GALNT13: variants seen among roughly 807,000 people sequenced by gnomAD.
The protein encoded by GALNT13 is UDP-GalNAc:polypeptide N-acetylgalactosaminyltransferase 13.
In GALNT13, 28 loss-of-function variants were observed where a neutral mutation model predicts 64.2. The ratio of observed to expected loss-of-function variants is 0.44; its 90% CI spans 0.32 to 0.60. The LOEUF is 0.60. Among genes scored for constraint, GALNT13 ranks in the 20% least tolerant of loss-of-function variants. The pLI is 0.05. For synonymous variants in GALNT13, 214 were observed against 224.6 expected (o/e 0.95, Z 0.42); for missense variants, 577 against 669.8 (o/e 0.86, Z 1.53).
intron 3 of GALNT13, among the ~76,000 whole-genome samples, chr2:153,983,461 A>C (rs527245605): frequency 6.6e-6 from 1 of 151,898 alleles, no homozygotes; most frequent in Non-Finnish European, 1.5e-5. Context: ...ATTTAAAATA[A>C]TGTAATTTAA....
chr2:153,160,304 G>A, the GALNT13 span, among the ~76,000 whole-genome samples: 2 of 152,196 alleles, frequency 1.3e-5, no homozygotes, highest in Non-Finnish European at 2.9e-5. Context: ...AACAAGATCA[G>A]CAGGGTCGCA....
the GALNT13 span, among the ~76,000 whole-genome samples, chr2:153,166,857 A>G: frequency 1.3e-5 from 2 of 152,176 alleles, no homozygotes; most frequent in East Asian, 3.9e-4. Context: ...GGAGGCCCAT[A>G]TGGCAAAGCA....
intron 3 of GALNT13, among the ~76,000 whole-genome samples, chr2:154,080,993 C>T (rs899337570): frequency 6.6e-6 from 1 of 151,458 alleles, no homozygotes; most frequent in Non-Finnish European, 1.5e-5. Context: ...GTTGCATAGT[C>T]ACACTGAAAC....
rs562078605 is a variant in GALNT13 at position 154,196,246 on chromosome 2, T to G, written c.312-45784T>G. 2.0e-5 allele frequency among the ~76,000 whole-genome samples: 3 copies of G among 152,122 alleles called. No homozygotes were observed. The South Asian group carries it at 6.2e-4, about 31-fold the overall frequency. On this transcript the variant is annotated intron_variant, in intron 4 of 12. Coordinates refer to ENST00000392825, the MANE Select transcript of GALNT13 (RefSeq NM_052917.4). ...ACTCAAAAAAAAAAAACAACTCTCA[T>G]GAATTACGTGTGAGAATTCAGATCA...
At chr2:153,970,370 C>A (rs1693658290) in intron 3 of GALNT13, among the ~76,000 whole-genome samples, 1 of 152,170 alleles carries the variant, frequency 6.6e-6, no homozygotes, top group Admixed American at 6.5e-5. Context: ...GAGGCTGTCA[C>A]ACCCTCCTGG....
the GALNT13 span, among the ~76,000 whole-genome samples, chr2:153,755,113 C>A: frequency 1.7e-4 from 26 of 152,298 alleles, no homozygotes; most frequent in African/African-American, 6.3e-4. Context: ...TCTACCTCTT[C>A]AGTACCTCTT....
intron 3 of GALNT13, among the ~76,000 whole-genome samples, chr2:154,030,500 T>G (rs184807179): frequency 1.2e-3 from 179 of 152,290 alleles, no homozygotes; most frequent in Admixed American, 2.4e-3. Context: ...CAGCAGAGCT[T>G]CTATATAAGA....
chr2:153,376,033 C>T, the GALNT13 span, among the ~76,000 whole-genome samples: 1 of 152,214 alleles, frequency 6.6e-6, no homozygotes, highest in African/African-American at 2.4e-5. Flanking sequence ...TCACTCATCC[C>T]TGCCCACTCA....
chr2:154,063,253 G>A (rs1487077037), intron 3 of GALNT13, among the ~76,000 whole-genome samples: 1 of 152,106 alleles, frequency 6.6e-6, no homozygotes, highest in African/African-American at 2.4e-5. Flanking sequence ...AGGGTCTTCT[G>A]TATAGCCAGT....
chr2:153,574,785 ATTTC>A, the GALNT13 span, among the ~76,000 whole-genome samples: 1 of 150,426 alleles, frequency 6.6e-6, no homozygotes, highest in Non-Finnish European at 1.5e-5. Context: ...GTTATCTTGA[ATTTC>A]TTTGAGTTTC....
intron 4 of GALNT13, among the ~76,000 whole-genome samples, chr2:154,209,213 C>A (rs1203150097): frequency 6.6e-6 from 1 of 151,856 alleles, no homozygotes; most frequent in African/African-American, 2.4e-5. Context: ...TGAGAATATC[C>A]AAATCCTTCT....
chr2:153,341,476 G>T, the GALNT13 span, among the ~76,000 whole-genome samples: 3 of 152,198 alleles, frequency 2.0e-5, no homozygotes, highest in African/African-American at 7.2e-5. Flanking sequence ...TAGTCTGTTT[G>T]TTAAGTACTA....
chr2:153,534,283 T>A, the GALNT13 span, among the ~76,000 whole-genome samples: 2 of 152,170 alleles, frequency 1.3e-5, no homozygotes, highest in African/African-American at 4.8e-5. Flanking sequence ...TAGCGGTAAA[T>A]AGGCCATTAA....
chr2:153,985,487 T>G (rs186225593), intron 3 of GALNT13, among the ~76,000 whole-genome samples: 1 of 152,160 alleles, frequency 6.6e-6, no homozygotes, highest in African/African-American at 2.4e-5. Flanking sequence ...TTCCTTTTCA[T>G]AGGACTGTGA....
At chr2:153,700,910 A>G in the GALNT13 span, among the ~76,000 whole-genome samples, 1 of 152,202 alleles carries the variant, frequency 6.6e-6, no homozygotes, top group Non-Finnish European at 1.5e-5. Context: ...GAAAATAACC[A>G]TACTACCCAA....
At chr2:153,791,275 C>T in the GALNT13 span, among the ~76,000 whole-genome samples, 81 of 152,146 alleles carry the variant, frequency 5.3e-4, no homozygotes, top group Admixed American at 1.3e-3. Flanking sequence ...GAAACAAAAG[C>T]TCAACATCCC....
intron 3 of GALNT13, among the ~76,000 whole-genome samples, chr2:154,043,882 G>A (rs973872547): frequency 6.6e-6 from 1 of 151,794 alleles, no homozygotes; most frequent in African/African-American, 2.4e-5. Context: ...GTTGGTAGAC[G>A]GGGGCAAAAC....
chr2:154,157,574 A>G (rs1684494433), intron 4 of GALNT13, among the ~76,000 whole-genome samples: 1 of 152,188 alleles, frequency 6.6e-6, no homozygotes, highest in African/African-American at 2.4e-5. Context: ...TCCCTTAAAA[A>G]CAAATGTATA....
rs1399118990 is a variant in GALNT13 at position 153,884,783 on chromosome 2, A to ATG, written c.-177+12481_-177+12482insGT. Among the ~76,000 whole-genome samples the ATG allele has an allele frequency of 9.8e-3, 1,053 of 106,938 alleles. 44 individuals are homozygous for ATG. Among genetic ancestry groups the ATG allele is most frequent in the African/African-American group, 0.036 (1,019 of 28,164 alleles). 70.2% of individuals were successfully genotyped at this position (106,938 alleles called of 152,430 possible). On this transcript the variant is annotated intron_variant, in intron 1 of 12. Transcript: ENST00000392825. ...AAAATACGAATATATATATATATAT[A>ATG]TATGTGTGTGTATATATATATATGT...
Sources: gnomAD v4.1 joint callset for allele counts (sites outside exome capture counted in the v4.1 genomes callset) on GRCh38, gnomAD v4.1.1 for gene constraint, MANE v1.5 for transcripts, NCBI Gene and HGNC (gene_info 2026-07-23, HGNC 2026-07-21) for gene names.